The following STK4 variants were observed in gnomAD, a reference collection of about 807,000 sequenced individuals.
The protein encoded by STK4 is serine/threonine kinase 4, also known as serine/threonine-protein kinase 4.
STK4 carries 30 observed loss-of-function variants against 64.9 expected under a neutral mutation model. The ratio of observed to expected loss-of-function variants is 0.46; its 90% confidence interval spans 0.35 to 0.63. The LOEUF is 0.63. STK4 is among the 20% of genes least tolerant of loss of function. The probability of loss-of-function intolerance (pLI) is 0.01; values close to 1 mark genes in which losing one functional copy is unlikely to be tolerated. For missense variants in STK4, 466 were observed against 598.5 expected (o/e 0.78, Z 2.31); for synonymous variants, 177 against 199.0 (o/e 0.89, Z 0.93).
chr20:45,009,134 G>A (rs2068001345), intron 9 of STK4, among the ~76,000 whole-genome samples: 2 of 152,166 alleles, frequency 1.3e-5, no homozygotes, highest in African/African-American at 4.8e-5. Context: ...GAAGGGTATC[G>A]CCTAGGTTTT....
chr20:44,979,256 T>G (rs2067394497), intron 3 of STK4, among the ~76,000 whole-genome samples: 1 of 152,182 alleles, frequency 6.6e-6, no homozygotes, highest in Non-Finnish European at 1.5e-5. Flanking sequence ...ATTCAAATGT[T>G]TTTTAGTTCT....
chr20:45,054,018 G>A (rs1047013395), intron 10 of STK4, among the ~76,000 whole-genome samples: 4 of 151,968 alleles, frequency 2.6e-5, no homozygotes, highest in Non-Finnish European at 4.4e-5. Flanking sequence ...TGGATTTTCC[G>A]TTTTGCAGAT....
chr20:45,044,050 A>G (rs988856928), intron 10 of STK4, among the ~76,000 whole-genome samples: 8 of 152,230 alleles, frequency 5.3e-5, no homozygotes, highest in Non-Finnish European at 7.3e-5. Flanking sequence ...GAAATTGATT[A>G]CCAAAGTGAT....
In STK4 at chr20:45,023,284, A is replaced by G. The variant is rs187358446; in HGVS notation, c.1148-1689A>G. Among the ~76,000 whole-genome samples, 24 of 152,354 alleles carry G rather than the reference A, an allele frequency of 1.6e-4. No homozygotes were observed. In the East Asian group the frequency reaches 4.6e-3, roughly 29 times the overall value. On this transcript the variant is annotated intron_variant, in intron 9 of 10. Transcript: ENST00000372806. ...TGGCAGTCTGTGGATATGGGCAGAT[A>G]CGGGATTGGCTGCTGTTGAACTTAG... is the stretch of plus-strand genomic sequence containing the variant.
At chr20:45,005,711 T>G (rs1449582454) in intron 9 of STK4, among the ~76,000 whole-genome samples, 2 of 151,902 alleles carry the variant, frequency 1.3e-5, no homozygotes, top group Non-Finnish European at 2.9e-5. Context: ...TCAATACAAT[T>G]TATGAACATA....
chr20:45,011,742 T>G (rs1165317206), intron 9 of STK4, among the ~76,000 whole-genome samples: 1 of 141,378 alleles, frequency 7.1e-6, no homozygotes. Flanking sequence ...TTTTTTTTTT[T>G]TTTTAAGTCA....
At chr20:44,984,473 A>AT (rs1399864887) in intron 4 of STK4, among the ~76,000 whole-genome samples, 2 of 152,106 alleles carry the variant, frequency 1.3e-5, no homozygotes, top group Non-Finnish European at 2.9e-5. Context: ...AAGTGCTGGG[A>AT]TTACAGGCGT....
chr20:44,966,851 G>T (rs1372198316), intron 1 of STK4, among the ~76,000 whole-genome samples: 1 of 152,136 alleles, frequency 6.6e-6, no homozygotes, highest in East Asian at 1.9e-4. Context: ...GAGGAACGTG[G>T]GGACAAGTTA....
chr20:45,014,599 G>A (rs144213263), intron 9 of STK4, among the ~76,000 whole-genome samples: 215 of 152,224 alleles, frequency 1.4e-3, no homozygotes, highest in African/African-American at 5.0e-3. Flanking sequence ...GAAGTAGCTT[G>A]ATTTGCACAG....
intron 5 of STK4, among the ~76,000 whole-genome samples, chr20:44,988,309 G>A (rs2067566662): frequency 6.6e-6 from 1 of 151,620 alleles, no homozygotes; most frequent in Non-Finnish European, 1.5e-5. Flanking sequence ...GAGGTTAGGA[G>A]TTCGAGACCA....
At chr20:45,011,109 T>A (rs552760463) in intron 9 of STK4, among the ~76,000 whole-genome samples, 2 of 152,320 alleles carry the variant, frequency 1.3e-5, no homozygotes, top group South Asian at 2.1e-4. Context: ...GAAGGCTTCT[T>A]CTATTTGTCT....
chr20:45,063,468 T>C (rs997063796), intron 10 of STK4, among the ~76,000 whole-genome samples: 1 of 152,330 alleles, frequency 6.6e-6, no homozygotes, highest in South Asian at 2.1e-4. Context: ...TCGTTTAAGT[T>C]CCTTGTGGAT....
chr20:45,015,597 G>T (rs1006942240), intron 9 of STK4, among the ~76,000 whole-genome samples: 1 of 152,156 alleles, frequency 6.6e-6, no homozygotes, highest in Non-Finnish European at 1.5e-5. Context: ...GAAAACATTT[G>T]ATTTTGTTGG....
intron 10 of STK4, among the ~76,000 whole-genome samples, chr20:45,030,842 T>G (rs13044309): frequency 6.6e-6 from 1 of 152,202 alleles, no homozygotes; most frequent in Non-Finnish European, 1.5e-5. Context: ...CACAAACAGC[T>G]GTAAACTTAA....
intron 9 of STK4, among the ~76,000 whole-genome samples, chr20:45,023,672 T>C (rs2068289476): frequency 1.3e-5 from 2 of 152,122 alleles, no homozygotes; most frequent in South Asian, 4.1e-4. Flanking sequence ...CCAGGTAAAA[T>C]TATTCTTTCT....
At chr20:45,046,288 G>A (rs994041535) in intron 10 of STK4, among the ~76,000 whole-genome samples, 1 of 150,994 alleles carries the variant, frequency 6.6e-6, no homozygotes, top group African/African-American at 2.4e-5. Flanking sequence ...AAGAAAAATT[G>A]GCTAAGTGTG....
intron 2 of STK4, chr20:44,972,374 C>T (rs2145631603): frequency 2.3e-6 from 1 of 435,072 alleles, no homozygotes; most frequent in Non-Finnish European, 4.1e-6. Flanking sequence ...ATTGTTTTCT[C>T]TTTTGTAGGA....
intron 10 of STK4, among the ~76,000 whole-genome samples, chr20:45,055,584 T>G (rs986920669): frequency 2.1e-4 from 32 of 152,156 alleles, no homozygotes; most frequent in African/African-American, 7.2e-4. Flanking sequence ...CTACTGCACA[T>G]TAACTTTTGA....
chr20:45,008,754 T>G (rs549922154), intron 9 of STK4, among the ~76,000 whole-genome samples: 1 of 152,334 alleles, frequency 6.6e-6, no homozygotes, highest in Admixed American at 6.5e-5. Context: ...GATATCTCAT[T>G]GTGGTTTGGA....
Sources: gnomAD v4.1 joint callset for allele counts (sites outside exome capture counted in the v4.1 genomes callset) on GRCh38, gnomAD v4.1.1 for gene constraint, MANE v1.5 for transcripts, NCBI Gene and HGNC (gene_info 2026-07-23, HGNC 2026-07-21) for gene names.